The following PCIF1 variants were observed in gnomAD, a reference collection of about 807,000 sequenced individuals.
PCIF1 encodes the protein phosphorylated CTD interacting factor 1.
In PCIF1, 12 loss-of-function variants were observed where a neutral mutation model predicts 86.9. The observed-to-expected ratio is 0.14, with a 90% CI of 0.09 to 0.22. The LOEUF is 0.22. Ranked by LOEUF, PCIF1 falls within the 10% of genes least tolerant of loss-of-function variation. The pLI is 1.00. For synonymous variants in PCIF1, 397 were observed against 372.0 expected (o/e 1.07, Z -0.77); for missense variants, 701 against 951.1 (o/e 0.74, Z 3.46).
At chr20:45,936,168 T>C (rs1245120552) in intron 1 of PCIF1, among the ~76,000 whole-genome samples, 1 of 152,040 alleles carries the variant, frequency 6.6e-6, no homozygotes, top group East Asian at 1.9e-4. Flanking sequence ...CTTTATTTTA[T>C]TTTTTATTTT....
chr20:45,943,961 C>G lies in PCIF1; in HGVS notation c.1005+196C>G, dbSNP rs774776358. Among the ~76,000 whole-genome samples, 80 of 152,204 alleles carry G rather than the reference C, an allele frequency of 5.3e-4. No homozygotes were observed. Among genetic ancestry groups the G allele is most frequent in the Non-Finnish European group, 1.0e-3 (70 of 68,026 alleles). On this transcript the variant is annotated intron_variant, in intron 10 of 16. Transcript: ENST00000372409. The surrounding 1 kb of genome is among the most constrained non-coding windows in gnomAD (Gnocchi z 5.5). ...GTTTCTCTGGGCTCCTGGCTTTCTC[C>G]CACAGAACATTTCCATTAACAATCT...
chr20:45,937,042 C>CT (rs397755899), intron 1 of PCIF1, among the ~76,000 whole-genome samples: 3 of 3,494 alleles, frequency 8.6e-4, no homozygotes, highest in Non-Finnish European at 0.01. Flanking sequence ...GCCAAAGCCA[C>CT]GTGCCCAGCC....
chr20:45,940,863 C>G lies in PCIF1; in HGVS notation c.442C>G (p.Pro148Ala), dbSNP rs755015991. 6.2e-7 allele frequency: 1 copy of G among 1,614,176 alleles called. No homozygotes were observed. The highest frequency in any genetic ancestry group is 1.1e-5 in the South Asian group (1 of 91,086). ...GTCGGTGCCCAGCTCCCCCAGTATC[C>G]CAGGAACCCCAACGCTGAAGATGTG... is the stretch of plus-strand genomic sequence containing the variant. ...GQSVPSSPSI[P>A]GTPTLKMWGT... Residue 148 changes from proline (P) to alanine (A), a missense_variant, in exon 6 of 17, where the codon CCA (proline) becomes GCA (alanine). Around this residue, in one of 7 missense-constraint regions of PCIF1, gnomAD observed 125 missense variants for 126.8 expected, o/e 0.99. Coordinates refer to ENST00000372409, the MANE Select transcript of PCIF1 (RefSeq NM_022104.4).
At position 45,945,737 on chromosome 20, in the gene PCIF1, C is replaced by A; in HGVS notation, c.1195C>A (p.Pro399Thr). The change falls in exon 12 of 17, where the codon CCC becomes ACC. Residue 399 changes from proline to threonine, a missense_variant. Pro to Thr is a conservative substitution (Grantham distance 38). Around this residue, in one of 7 missense-constraint regions of PCIF1, gnomAD observed 121 missense variants for 131.7 expected, o/e 0.92. Coordinates refer to ENST00000372409, the MANE Select transcript of PCIF1 (RefSeq NM_022104.4). ...SEEVEAPEVEPRLVYCYPVRL... is the reference protein window; with the variant it reads ...SEEVEAPEVETRLVYCYPVRL... ...GGAGGTGGAGGCCCCTGAGGTGGAG[C>A]CCCGCCTAGTGTACTGCTACCCAGT... 4 of 1,613,738 alleles carry A rather than the reference C, an allele frequency of 2.5e-6. No individual in the cohort carries two copies. The highest frequency in any genetic ancestry group is 3.4e-6 in the Non-Finnish European group (4 of 1,179,934).
At position 45,940,626 on chromosome 20, in the gene PCIF1, G is replaced by T. The variant is rs1191720936; in HGVS notation, c.387+14G>T. 6.3e-7 allele frequency: 1 copy of T among 1,596,580 alleles called. No homozygotes were observed. Among genetic ancestry groups the T allele is most frequent in the Admixed American group, 1.8e-5 (1 of 56,570 alleles). ...AAGAAGCCCAAGGTGAGTGTCTGTG[G>T]CCAGGAGCCGGCTGCCGAGCGGCCG... On this transcript the variant is annotated intron_variant, in intron 5 of 16. Transcript: ENST00000372409.
chr20:45,947,390 C>T lies in PCIF1; in HGVS notation c.1835C>T (p.Pro612Leu), dbSNP rs2083540482. The T allele has an allele frequency of 6.2e-7, 1 of 1,614,066 alleles. No homozygotes were observed. The highest frequency in any genetic ancestry group is 8.5e-7 in the Non-Finnish European group (1 of 1,180,030). ...SRFKRHQLIL[P>L]AFEHEYRSGS... ...TTCAAACGCCACCAGTTGATCCTGC[C>T]TGCCTTTGAGCATGAGTACCGCAGT... The change falls in exon 16 of 17, where the codon CCT (proline) becomes CTT (leucine). Residue 612 changes from proline (P) to leucine (L), a missense_variant. This residue lies in a region of PCIF1 where 174 missense variants were observed against 206.9 expected (regional missense o/e 0.84). Transcript: ENST00000372409. This position sits in a 1 kb window ranked among gnomAD's most constrained non-coding sequence, Gnocchi z 5.4.
chr20:45,944,806 TGCCA>T (rs1406355821), intron 10 of PCIF1, 58 bp from the exon 11 acceptor site: 1 of 1,551,406 alleles, frequency 6.4e-7, no homozygotes, highest in Non-Finnish European at 8.7e-7. Context: ...TGCGGTTACC[TGCCA>T]GCCCAGCTGA....
Position 45,945,796 on chromosome 20 carries a change from C to T in PCIF1, c.1254C>T (p.Ser418=), listed in dbSNP as rs772813905. ...RLAVSAPPMP[S]VEMHMENNVV... ...CTGTGTCTGCACCGCCCATGCCCAGCGTGGAGATGCACATGGAGAACAACG... is the reference window on the plus strand; with the variant it reads ...CTGTGTCTGCACCGCCCATGCCCAGTGTGGAGATGCACATGGAGAACAACG... The change falls in exon 12 of 17, where the codon AGC becomes AGT. Residue 418 remains serine (S), a synonymous_variant. Transcript: ENST00000372409. The T allele has an allele frequency of 9.9e-6, 16 of 1,613,836 alleles. No individual in the cohort carries two copies. The Admixed American group carries it at 1.0e-4, about 10-fold the overall frequency.
At chr20:45,939,485 C>T in intron 4 of PCIF1, 146 bp downstream of exon 4, 3 of 1,198,998 alleles carry the variant, frequency 2.5e-6, no homozygotes, top group Non-Finnish European at 3.5e-6. Context: ...ACAGCCCCTG[C>T]CCTCATGGAA....
At position 45,947,406 on chromosome 20, in the gene PCIF1, G is replaced by A. The variant is rs1366779292; in HGVS notation, c.1851G>A (p.Glu617=). The change falls in exon 16 of 17, where the codon GAG becomes GAA. Residue 617 remains glutamate (E), a synonymous_variant. Coordinates refer to ENST00000372409, the MANE Select transcript of PCIF1 (RefSeq NM_022104.4). The surrounding 1 kb of genome is among the most constrained non-coding windows in gnomAD (Gnocchi z 5.4). ...TGATCCTGCCTGCCTTTGAGCATGA[G>A]TACCGCAGTGGCTCCCAGCACATCT... The part of the protein sequence containing the change: ...HQLILPAFEH[E]YRSGSQHICK... The A allele has an allele frequency of 1.2e-6, 2 of 1,613,886 alleles. No homozygotes were observed. The highest frequency in any genetic ancestry group is 1.6e-4 in the Middle Eastern group (1 of 6,084).
rs756316870 is a variant in PCIF1 at position 45,947,736 on chromosome 20, G to T, written c.2096G>T (p.Arg699Leu). 17 of 1,600,814 alleles carry T rather than the reference G, an allele frequency of 1.1e-5. No individual in the cohort carries two copies. The highest frequency in any genetic ancestry group is 1.4e-5 in the Non-Finnish European group (17 of 1,173,212). The change falls in exon 17 of 17, where the codon CGC becomes CTC. Residue 699 changes from arginine (R) to leucine (L), a missense_variant. Physicochemically the swap from Arg to Leu is moderately radical, Grantham distance 102. Coordinates refer to ENST00000372409, the MANE Select transcript of PCIF1 (RefSeq NM_022104.4). This position sits in a 1 kb window ranked among gnomAD's most constrained non-coding sequence, Gnocchi z 5.4. ...RDSGREQGPS[R>L]EPHPT ...TCGGGCCGTGAGCAGGGTCCTAGCC[G>T]CGAGCCTCACCCCACTTAACATATC... is the stretch of plus-strand genomic sequence containing the variant.
intron 7 of PCIF1, among the ~76,000 whole-genome samples, chr20:45,942,788 T>TTTTTTTTTTTTC (rs745379436): frequency 7.1e-6 from 1 of 140,706 alleles, no homozygotes; most frequent in Non-Finnish European, 1.6e-5. Context: ...TTTTTTTTTT[T>TTTTTTTTTTTTC]TTTTTGTAGA....
At chr20:45,934,900 C>T (rs1313082964) in intron 1 of PCIF1, 96 bp downstream of exon 1, 2 of 397,100 alleles carry the variant, frequency 5.0e-6, no homozygotes, top group Non-Finnish European at 8.9e-6. Flanking sequence ...GCTTTCTGCT[C>T]GGGACTGCCG....
rs140261212 is a variant in PCIF1 at position 45,944,890 on chromosome 20, G to A, written c.1028G>A (p.Arg343Lys). 11 of 1,613,924 alleles carry A rather than the reference G, an allele frequency of 6.8e-6. No individual in the cohort carries two copies. Among genetic ancestry groups the A allele is most frequent in the Non-Finnish European group, 9.3e-6 (11 of 1,179,904 alleles). The change falls in exon 11 of 17, where the codon AGG becomes AAG. Residue 343 changes from arginine to lysine, a missense_variant. Arg to Lys is a conservative substitution (Grantham distance 26). Around this residue, in one of 7 missense-constraint regions of PCIF1, gnomAD observed 129 missense variants for 245.9 expected, o/e 0.52. Transcript: ENST00000372409. ...TAGGATCGCCTGGAGCATCTGCGGA[G>A]GCAGTGTGGCCCCCACGTCTCGGCC... ...DYMDRLEHLR[R>K]QCGPHVSAAA...
chr20:45,939,270 C>T lies in PCIF1; in HGVS notation c.180C>T (p.Pro60=). The T allele has an allele frequency of 6.2e-7, 1 of 1,613,788 alleles. No individual in the cohort carries two copies. The highest frequency in any genetic ancestry group is 8.5e-7 in the Non-Finnish European group (1 of 1,180,022). Residue 60 remains proline, a synonymous_variant, in exon 4 of 17, where the codon CCC becomes CCT. Coordinates refer to ENST00000372409, the MANE Select transcript of PCIF1 (RefSeq NM_022104.4). ...EKCWSRRENR[P]YYFNRFTNQS... is the part of the protein sequence containing the mutation. ...GCTGGAGCCGGAGGGAGAATCGTCC[C>T]TACTACTTCAACCGATTCACCAACC...
chr20:45,946,074 A>G lies in PCIF1; in HGVS notation c.1387A>G (p.Arg463Gly). 1.2e-6 allele frequency: 2 copies of G among 1,614,076 alleles called. No individual in the cohort carries two copies. The highest frequency in any genetic ancestry group is 1.7e-6 in the Non-Finnish European group (2 of 1,179,982). Residue 463 changes from arginine (R) to glycine (G), a missense_variant, in exon 13 of 17, where the codon AGG becomes GGG. By Grantham distance (125) the Arg-to-Gly change is moderately radical. Transcript: ENST00000372409. ...YSCIDDSAFE[R>G]FLPRVWCLLR... is the part of the protein sequence containing the mutation. ...CTGCATTGATGACTCTGCCTTTGAG[A>G]GGTTCCTGCCCCGGGTCTGGTGTCT...
intron 4 of PCIF1, 74 bp downstream of exon 4, chr20:45,939,413 G>GCAGC (rs2083451515): frequency 1.3e-6 from 2 of 1,593,890 alleles, no homozygotes; most frequent in East Asian, 4.5e-5. Flanking sequence ...TGTACCCTGA[G>GCAGC]CAGCCGTTCA....
At position 45,943,376 on chromosome 20, in the gene PCIF1, C is replaced by A. The variant is rs906040948; in HGVS notation, c.858C>A (p.Arg286=). The A allele has an allele frequency of 6.2e-7, 1 of 1,614,120 alleles. No homozygotes were observed. The highest frequency in any genetic ancestry group is 1.7e-5 in the Admixed American group (1 of 60,028). The change falls in exon 9 of 17, where the codon CGC becomes CGA. Residue 286 remains arginine (R), a synonymous_variant. Coordinates refer to ENST00000372409, the MANE Select transcript of PCIF1 (RefSeq NM_022104.4). This position sits in a 1 kb window ranked among gnomAD's most constrained non-coding sequence, Gnocchi z 5.5. ...TCAAGTTCCGGGAGGAAGCCAAGCG[C>A]CTGCTCTTTAAATATGCGGAGGCCG... The part of the protein sequence containing the change: ...SRIKFREEAK[R]LLFKYAEAAR...
chr20:45,945,165 T>A (rs528506874), intron 11 of PCIF1, 135 bp downstream of exon 11: 1 of 1,096,800 alleles, frequency 9.1e-7, no homozygotes, highest in South Asian at 1.7e-5. Flanking sequence ...TGGCTGTACT[T>A]CTCTGGGAAA....
Sources: allele counts gnomAD v4.1 joint callset (sites outside exome capture counted in the v4.1 genomes callset), GRCh38; gene constraint gnomAD v4.1.1; regional missense constraint gnomAD v4.1.1; non-coding constraint Gnocchi (gnomAD v3.1); transcripts MANE v1.5; gene names NCBI Gene and HGNC (gene_info 2026-07-23, HGNC 2026-07-21).